The following MGAT4A variants were observed in gnomAD, a reference collection of about 807,000 sequenced individuals.
MGAT4A encodes the protein alpha-1,3-mannosyl-glycoprotein 4-beta-N-acetylglucosaminyltransferase A.
MGAT4A carries 33 observed loss-of-function variants against 74.1 expected under a neutral mutation model. That is an observed-to-expected ratio of 0.45 (90% CI 0.34 to 0.60). The LOEUF (loss-of-function observed/expected upper bound fraction) is 0.60. Ranked by LOEUF, MGAT4A falls within the 20% of genes least tolerant of loss-of-function variation. The pLI, the probability that MGAT4A is intolerant of heterozygous loss-of-function variation, is 0.02. For missense variants in MGAT4A, 479 were observed against 628.3 expected (o/e 0.76, Z 2.54); for synonymous variants, 198 against 210.4 (o/e 0.94, Z 0.51).
chr2:98,681,807 T>A (rs76013449), intron 2 of MGAT4A, among the ~76,000 whole-genome samples: 6,643 of 152,116 alleles, frequency 0.044, 329 homozygotes, highest in African/African-American at 0.1. Context: ...AGAGTTTTTT[T>A]AAGAACTCTT....
intron 2 of MGAT4A, among the ~76,000 whole-genome samples, chr2:98,698,528 TC>T (rs1254608181): frequency 6.6e-6 from 1 of 152,220 alleles, no homozygotes; most frequent in Non-Finnish European, 1.5e-5. Context: ...GTATCAACGC[TC>T]CTTTTATTCA....
chr2:98,646,507 G>A (rs1430296841), intron 8 of MGAT4A, among the ~76,000 whole-genome samples: 1 of 152,056 alleles, frequency 6.6e-6, no homozygotes, highest in African/African-American at 2.4e-5. Flanking sequence ...AGGAGTTCAA[G>A]ATGAGCCTAG....
At chr2:98,668,186 A>T (rs2104278446) in intron 4 of MGAT4A, among the ~76,000 whole-genome samples, 1 of 152,380 alleles carries the variant, frequency 6.6e-6, no homozygotes, top group South Asian at 2.1e-4. Context: ...AAATGTCTCC[A>T]GGGCATGTCA....
Position 98,625,761 on chromosome 2 carries a change from C to T in MGAT4A, c.1543G>A (p.Val515Ile). 6.2e-7 allele frequency: 1 copy of T among 1,611,816 alleles called. No homozygotes were observed. The highest frequency in any genetic ancestry group is 2.2e-5 in the East Asian group (1 of 44,772). The change falls in exon 15 of 16, where the codon GTT becomes ATT. Residue 515 changes from valine to isoleucine, a missense_variant. By Grantham distance (29) the Val-to-Ile change is conservative (BLOSUM62 3). Coordinates refer to ENST00000393487, the MANE Select transcript of MGAT4A (RefSeq NM_012214.3). ...LNPISAFRLSVIQNSAVWAIL... is the reference protein window; with the variant it reads ...LNPISAFRLSIIQNSAVWAIL... ...GCCCAAACAGCAGAATTCTGAATAA[C>T]TGAAAGTCGAAAGGCTGAAATGGGA...
At chr2:98,645,911 A>G (rs1408267717) in intron 8 of MGAT4A, among the ~76,000 whole-genome samples, 3 of 152,116 alleles carry the variant, frequency 2.0e-5, no homozygotes, top group Non-Finnish European at 4.4e-5. Flanking sequence ...GAGAAGGAGG[A>G]TATCAGGATA....
intron 2 of MGAT4A, among the ~76,000 whole-genome samples, chr2:98,721,463 TA>T (rs1168494404): frequency 6.6e-6 from 1 of 152,174 alleles, no homozygotes; most frequent in Non-Finnish European, 1.5e-5. Flanking sequence ...GCTGGGTCTA[TA>T]ACGTGTGGAA....
chr2:98,704,505 A>C (rs886656415), intron 2 of MGAT4A, among the ~76,000 whole-genome samples: 43 of 152,126 alleles, frequency 2.8e-4, no homozygotes, highest in African/African-American at 1.0e-3. Flanking sequence ...CTACTTGGGA[A>C]GCTGAAGTGG....
intron 2 of MGAT4A, among the ~76,000 whole-genome samples, chr2:98,684,689 C>T (rs1575268051): frequency 6.6e-6 from 1 of 152,054 alleles, no homozygotes; most frequent in Non-Finnish European, 1.5e-5. Flanking sequence ...ATGATTAACA[C>T]AAACAAAAAG....
intron 2 of MGAT4A, among the ~76,000 whole-genome samples, chr2:98,683,112 A>T (rs1024966905): frequency 4.6e-5 from 7 of 151,798 alleles, no homozygotes; most frequent in African/African-American, 1.2e-4. Context: ...AAAAATAAAA[A>T]AAATAAATGG....
intron 2 of MGAT4A, among the ~76,000 whole-genome samples, chr2:98,689,947 C>T (rs1455632936): frequency 6.6e-6 from 1 of 152,042 alleles, no homozygotes; most frequent in African/African-American, 2.4e-5. Context: ...TTTCTTTCTG[C>T]CTCATATATC....
intron 5 of MGAT4A, among the ~76,000 whole-genome samples, chr2:98,659,483 G>A (rs966883688): frequency 2.6e-5 from 4 of 152,136 alleles, no homozygotes; most frequent in African/African-American, 9.7e-5. Context: ...GCCAGCCAGA[G>A]CCCTATTGAT....
intron 2 of MGAT4A, among the ~76,000 whole-genome samples, chr2:98,718,025 CAT>C (rs550930567): frequency 3.4e-3 from 513 of 152,330 alleles, no homozygotes; most frequent in South Asian, 6.4e-3. Flanking sequence ...AAATAAGAAT[CAT>C]AGTTTCCAAT....
rs1053613742 is a variant in MGAT4A at position 98,654,416 on chromosome 2, A to C, written c.774+1029T>G. ...ATAATCTTATATGTAGAAAAACCTAAAGAATCCACCAAAAACTACAAGCAA... is the reference window on the plus strand; with the variant it reads ...ATAATCTTATATGTAGAAAAACCTACAGAATCCACCAAAAACTACAAGCAA... On this transcript the variant is annotated intron_variant, in intron 8 of 15. Coordinates refer to ENST00000393487, the MANE Select transcript of MGAT4A (RefSeq NM_012214.3). Among the ~76,000 whole-genome samples, 3 of 152,114 alleles carry C rather than the reference A, an allele frequency of 2.0e-5. No individual in the cohort carries two copies. In the South Asian group the frequency reaches 6.2e-4, roughly 32 times the overall value.
chr2:98,624,042 T>C lies in MGAT4A; in HGVS notation c.*1524A>G. ...CTTTTTTTTTTTTTGAGACGGAGTCTAGCTGTGTCGCCCAGGCTGGAGTGC... is the reference window on the plus strand; with the variant it reads ...CTTTTTTTTTTTTTGAGACGGAGTCCAGCTGTGTCGCCCAGGCTGGAGTGC... On this transcript the variant is annotated 3_prime_UTR_variant, in exon 16 of 16. Transcript: ENST00000393487. 1.0e-6 allele frequency: 1 copy of C among 984,266 alleles called. No individual in the cohort carries two copies. The highest frequency in any genetic ancestry group is 1.2e-6 in the Non-Finnish European group (1 of 829,014). 61.0% of individuals were successfully genotyped at this position (984,266 alleles called of 1,614,324 possible). A position where few individuals can be genotyped will look rare whatever the true frequency, so the allele number is the denominator to read the frequency against.
chr2:98,640,552 C>T (rs1177262546), intron 10 of MGAT4A, among the ~76,000 whole-genome samples: 1 of 152,014 alleles, frequency 6.6e-6, no homozygotes, highest in Non-Finnish European at 1.5e-5. Flanking sequence ...TGCAGTGAGC[C>T]GAGATCGCAC....
chr2:98,688,151 T>C (rs534913094), intron 2 of MGAT4A, among the ~76,000 whole-genome samples: 1 of 152,310 alleles, frequency 6.6e-6, no homozygotes, highest in East Asian at 1.9e-4. Context: ...CGTTTCTTTT[T>C]TGAAATCTTC....
At chr2:98,660,418 G>GCACGCGCACACA (rs1553537217) in intron 5 of MGAT4A, among the ~76,000 whole-genome samples, 1 of 141,642 alleles carries the variant, frequency 7.1e-6, no homozygotes, top group Non-Finnish European at 1.5e-5. Flanking sequence ...ACACGCACGC[G>GCACGCGCACACA]CACACACACA....
Position 98,625,330 on chromosome 2 carries a change from T to A in MGAT4A, c.*236A>T. 4 of 1,293,530 alleles carry A rather than the reference T, an allele frequency of 3.1e-6. No individual in the cohort carries two copies. The highest frequency in any genetic ancestry group is 4.0e-6 in the Non-Finnish European group (4 of 1,006,036). The allele number at this position is 1,293,530 out of a possible 1,614,324, so 80.1% of individuals were successfully genotyped here. A position where few individuals can be genotyped will look rare whatever the true frequency, so the allele number is the denominator to read the frequency against. Reference sequence around the variant, plus strand: ...TAATACCAAAATAGTACAAGTCATATTAACAGGCTGTCATAATTGAAAAAT... The same window carrying A: ...TAATACCAAAATAGTACAAGTCATAATAACAGGCTGTCATAATTGAAAAAT... On this transcript the variant is annotated 3_prime_UTR_variant, in exon 16 of 16. Transcript: ENST00000393487.
chr2:98,654,135 C>T (rs186675727), intron 8 of MGAT4A, among the ~76,000 whole-genome samples: 8 of 151,884 alleles, frequency 5.3e-5, no homozygotes, highest in East Asian at 1.9e-4. Flanking sequence ...AAAAATGTGA[C>T]GAACTAGAAA....
Sources: gnomAD v4.1 joint callset for allele counts (sites outside exome capture counted in the v4.1 genomes callset) on GRCh38, gnomAD v4.1.1 for gene constraint, MANE v1.5 for transcripts, NCBI Gene and HGNC (gene_info 2026-07-23, HGNC 2026-07-21) for gene names.